TRAPPC12: variants seen among roughly 807,000 people sequenced by gnomAD.
TRAPPC12 encodes trafficking protein particle complex subunit 12.
Under a neutral mutation model 69.2 loss-of-function variants are expected in TRAPPC12, and 61 were observed. That is an observed-to-expected ratio of 0.88 (90% confidence interval 0.72 to 1.09). The LOEUF (loss-of-function observed/expected upper bound fraction) is 1.09, where lower values mean the gene tolerates loss of function less well. TRAPPC12 is among the 50% of genes least tolerant of loss of function. The pLI, the probability that TRAPPC12 is intolerant of heterozygous loss-of-function variation, is 0.00. For missense variants in TRAPPC12, 1,101 were observed against 1,016.4 expected, an observed-to-expected ratio of 1.08 and a Z score of -1.13; for synonymous variants, 469 against 438.9, an observed-to-expected ratio of 1.07 and a Z score of -0.86.
chr2:3,469,431 G>T (rs1362337877), intron 9 of TRAPPC12, among the ~76,000 whole-genome samples: 1 of 152,220 alleles, frequency 6.6e-6, no homozygotes, highest in Non-Finnish European at 1.5e-5. Context: ...ACGAGGTTTT[G>T]GTTGCAGTCA....
intron 1 of TRAPPC12, among the ~76,000 whole-genome samples, chr2:3,383,871 GTTTTTTTTTTTTTT>G (rs34956958): frequency 2.6e-4 from 22 of 85,586 alleles, no homozygotes; most frequent in Admixed American, 2.3e-3. Flanking sequence ...GTTCAGTCTT[GTTTTTTTTTTTTTT>G]TTTTTTTTTT....
intron 1 of TRAPPC12, among the ~76,000 whole-genome samples, chr2:3,385,838 G>C (rs1419925805): frequency 2.0e-5 from 3 of 152,348 alleles, no homozygotes; most frequent in Middle Eastern, 3.4e-3. Context: ...CATGCTGCCT[G>C]TTTGCTCCTT....
At chr2:3,449,789 A>T (rs1353892517) in intron 6 of TRAPPC12, among the ~76,000 whole-genome samples, 1 of 152,124 alleles carries the variant, frequency 6.6e-6, no homozygotes, top group Non-Finnish European at 1.5e-5. Flanking sequence ...CCTGACCCAG[A>T]GGGTTTGGTT....
chr2:3,468,668 C>T (rs992144951), intron 9 of TRAPPC12, among the ~76,000 whole-genome samples: 8 of 152,168 alleles, frequency 5.3e-5, no homozygotes, highest in South Asian at 2.1e-4. Flanking sequence ...CTTGGAAGCC[C>T]CACTCCCACG....
At chr2:3,438,729 G>T (rs1204926591) in intron 5 of TRAPPC12, among the ~76,000 whole-genome samples, 1 of 152,026 alleles carries the variant, frequency 6.6e-6, no homozygotes, top group African/African-American at 2.4e-5. Context: ...TTAGGAATGT[G>T]CATTTAGGGT....
rs764014297 is a variant in TRAPPC12, at chr2:3,387,747, G to A, written c.124G>A (p.Glu42Lys). 1 of 1,611,312 alleles carries A rather than the reference G, an allele frequency of 6.2e-7. No individual in the cohort carries two copies. Among genetic ancestry groups the A allele is most frequent in the Non-Finnish European group, 8.5e-7 (1 of 1,178,644 alleles). The change falls in exon 2 of 12, where the codon GAG (glutamate) becomes AAG (lysine). Residue 42 changes from glutamate to lysine, a missense_variant. Physicochemically the swap from Glu to Lys is moderately conservative, Grantham distance 56. Coordinates refer to ENST00000324266, the MANE Select transcript of TRAPPC12 (RefSeq NM_016030.6). ...QEETIDLGGDEFGSEENETAS... is the reference protein window; with the variant it reads ...QEETIDLGGDKFGSEENETAS... ...GGAAACCATCGATCTTGGCGGAGATGAGTTTGGATCCGAAGAGAACGAGAC... is the reference window on the plus strand; with the variant it reads ...GGAAACCATCGATCTTGGCGGAGATAAGTTTGGATCCGAAGAGAACGAGAC...
chr2:3,418,954 C>G (rs931437485), intron 3 of TRAPPC12, among the ~76,000 whole-genome samples: 8 of 152,228 alleles, frequency 5.3e-5, no homozygotes, highest in African/African-American at 1.9e-4. Flanking sequence ...CTCATCCACA[C>G]CTGCTCGGCC....
intron 3 of TRAPPC12, among the ~76,000 whole-genome samples, chr2:3,413,837 C>T (rs1208566553): frequency 3.9e-5 from 6 of 152,148 alleles, no homozygotes; most frequent in African/African-American, 7.2e-5. Context: ...TGTCAGTATG[C>T]GTAATCATCT....
rs750118896 is a variant in TRAPPC12, at chr2:3,387,846, T to G, written c.223T>G (p.Ser75Ala). 2 of 1,605,112 alleles carry G rather than the reference T, an allele frequency of 1.2e-6. No homozygotes were observed. The highest frequency in any genetic ancestry group is 1.7e-5 in the Admixed American group (1 of 59,670). ...GATGGAGAGCGTCCTCATCTCTGAC[T>G]CCCCCAACAGCGAGGGCGACGCGGG... Reference protein sequence around the residue: ...HMMESVLISDSPNSEGDAGDL... With the variant: ...HMMESVLISDAPNSEGDAGDL... Residue 75 changes from serine to alanine, a missense_variant, in exon 2 of 12, where the codon TCC (serine) becomes GCC (alanine). By Grantham distance (99) the Ser-to-Ala change is moderately conservative. Coordinates refer to ENST00000324266, the MANE Select transcript of TRAPPC12 (RefSeq NM_016030.6).
At chr2:3,388,811 C>A in intron 2 of TRAPPC12, 141 bp downstream of exon 2, 1 of 853,204 alleles carries the variant, frequency 1.2e-6, no homozygotes, top group Non-Finnish European at 1.7e-6. Context: ...GCCTGTGTTC[C>A]TCTGTCCCTG....
At chr2:3,395,234 C>T (rs2103451267) in intron 2 of TRAPPC12, among the ~76,000 whole-genome samples, 1 of 152,274 alleles carries the variant, frequency 6.6e-6, no homozygotes, top group East Asian at 1.9e-4. Flanking sequence ...ATATAGACTA[C>T]TTGATACAAA....
chr2:3,407,319 A>T (rs1414927194), intron 3 of TRAPPC12, among the ~76,000 whole-genome samples: 1 of 152,224 alleles, frequency 6.6e-6, no homozygotes, highest in Non-Finnish European at 1.5e-5. Flanking sequence ...CAGTTTTTCA[A>T]ATAGACCCTG....
At chr2:3,455,014 G>A (rs145468800) in intron 6 of TRAPPC12, 2,534 of 152,380 alleles carry the variant, frequency 0.017, 30 homozygotes, top group Middle Eastern at 0.034. Context: ...TAGGGCTCCC[G>A]TGGTGTGCGG....
At position 3,479,296 on chromosome 2, in the gene TRAPPC12, C is replaced by T. The variant is rs759110445; in HGVS notation, c.2043C>T (p.Val681=). The part of the protein sequence containing the change: ...KDSLRQLEAM[V]QQDPRHYLHE... ...CCCTGCGGCAGCTGGAGGCCATGGT[C>T]CAGCAGGACCCCAGGCACTACCTGC... is the stretch of plus-strand genomic sequence containing the variant. The change falls in exon 12 of 12, where the codon GTC becomes GTT. Residue 681 remains valine, a synonymous_variant. Transcript: ENST00000324266. 2.5e-6 allele frequency: 4 copies of T among 1,614,184 alleles called. No homozygotes were observed. The East Asian group carries it at 6.7e-5, about 27-fold the overall frequency.
At chr2:3,447,723 C>G (rs1664591328) in intron 6 of TRAPPC12, among the ~76,000 whole-genome samples, 1 of 152,170 alleles carries the variant, frequency 6.6e-6, no homozygotes, top group Non-Finnish European at 1.5e-5. Context: ...AGCCAGCCCA[C>G]CACTATTCTG....
Position 3,448,656 on chromosome 2 carries a change from CAGCCGGTTACGCGAGGGTAGGGCGTGGA to C in TRAPPC12, c.1530+4766_1530+4793del, listed in dbSNP as rs1371302029. ...TTACGCGAGGGTAGGGCGTGGAGAG[CAGCCGGTTACGCGAGGGTAGGGCGTGGA>C]GAGCAGCCGGTTACGCGAGGGTAGG... On this transcript the variant is annotated intron_variant, in intron 6 of 11. Transcript: ENST00000324266. Among the ~76,000 whole-genome samples, 23 of 141,262 alleles carry C rather than the reference CAGCCGGTTACGCGAGGGTAGGGCGTGGA, an allele frequency of 1.6e-4. No individual in the cohort carries two copies. The East Asian group carries it at 1.8e-3, about 11-fold the overall frequency. 92.7% of individuals were successfully genotyped at this position (141,262 alleles called of 152,430 possible). A position where few individuals can be genotyped will look rare whatever the true frequency, so the allele number is the denominator to read the frequency against.
rs528587489 is a variant in TRAPPC12, at chr2:3,383,677, T to C, written c.-5+3801T>C. Among the ~76,000 whole-genome samples the C allele has an allele frequency of 2.6e-5, 4 of 152,106 alleles. No homozygotes were observed. The South Asian group carries it at 8.3e-4, about 32-fold the overall frequency. On this transcript the variant is annotated intron_variant, in intron 1 of 11. Transcript: ENST00000324266. ...GCCCCGGCCTCCGAAAGTGCTGGGA[T>C]TACAGGCGTGAGCCACCGCACCCGG...
At chr2:3,393,067 A>G (rs6751170) in intron 2 of TRAPPC12, among the ~76,000 whole-genome samples, 33,888 of 152,124 alleles carry the variant, frequency 0.22, 3,990 homozygotes, top group African/African-American at 0.29. Context: ...CTATGATGGC[A>G]CCACTGCACT....
intron 10 of TRAPPC12, 33 bp from the exon 11 acceptor site, chr2:3,478,813 C>G: frequency 6.2e-7 from 1 of 1,603,258 alleles, no homozygotes; most frequent in African/African-American, 1.3e-5. Flanking sequence ...CCTGGGCTTT[C>G]CCCGCTAACT....
Sources: gnomAD v4.1 joint callset for allele counts (sites outside exome capture counted in the v4.1 genomes callset) on GRCh38, gnomAD v4.1.1 for gene constraint, MANE v1.5 for transcripts, NCBI Gene and HGNC (gene_info 2026-07-23, HGNC 2026-07-21) for gene names.